Variants in ATP8A2 observed in about 807,000 individuals in gnomAD.
The protein encoded by ATP8A2 is phospholipid-transporting ATPase IB.
ATP8A2 carries 100 observed loss-of-function variants against 165.6 expected under a neutral mutation model. The observed-to-expected ratio is 0.60, with a 90% CI of 0.51 to 0.71. ATP8A2 has a LOEUF of 0.71. Among genes scored for constraint, ATP8A2 ranks in the 30% least tolerant of loss-of-function variants. The pLI is 0.00. For synonymous variants in ATP8A2, 543 were observed against 548.8 expected, an observed-to-expected ratio of 0.99 and a Z score of 0.15; for missense variants, 1,227 against 1,479.5, an observed-to-expected ratio of 0.83 and a Z score of 2.80.
chr13:25,628,048 G>A (rs996781770), intron 24 of ATP8A2, among the ~76,000 whole-genome samples: 2 of 152,062 alleles, frequency 1.3e-5, no homozygotes, highest in Admixed American at 6.6e-5. Context: ...TGGTGAACTG[G>A]GACTCCAGAT....
rs147767745 is a variant in ATP8A2 at position 25,433,397 on chromosome 13, C to T, written c.77-35580C>T. On this transcript the variant is annotated intron_variant, in intron 1 of 36. Coordinates refer to ENST00000381655, the MANE Select transcript of ATP8A2 (RefSeq NM_016529.6). ...AACTGATCTTCTCACCTCAGCTTCC[C>T]AAGTAGCTGGGACTACAGGCGTGTG... Among the ~76,000 whole-genome samples the T allele has an allele frequency of 8.5e-3, 1,296 of 152,212 alleles. 21 individuals carry two copies. The highest frequency in any genetic ancestry group is 0.029 in the African/African-American group (1,200 of 41,524).
chr13:25,837,881 G>A (rs1159738364), intron 29 of ATP8A2, among the ~76,000 whole-genome samples: 3 of 152,140 alleles, frequency 2.0e-5, no homozygotes, highest in Admixed American at 6.5e-5. Context: ...ACAAACCCGC[G>A]CCAAAGCTGG....
At chr13:25,897,796 C>T (rs931046465) in intron 33 of ATP8A2, among the ~76,000 whole-genome samples, 1 of 152,188 alleles carries the variant, frequency 6.6e-6, no homozygotes, top group Non-Finnish European at 1.5e-5. Context: ...CATCTTCCAT[C>T]GCTGATACCC....
At chr13:25,633,261 A>T (rs1178070657) in intron 24 of ATP8A2, among the ~76,000 whole-genome samples, 1 of 152,198 alleles carries the variant, frequency 6.6e-6, no homozygotes, top group Non-Finnish European at 1.5e-5. Context: ...GCATGTAAAG[A>T]AATTCCTTCC....
At chr13:25,768,975 C>G in intron 25 of ATP8A2, 71 bp from the exon 26 acceptor site, 2 of 1,402,674 alleles carry the variant, frequency 1.4e-6, no homozygotes, top group Non-Finnish European at 2.0e-6. Flanking sequence ...TTTAATGCAG[C>G]GGAATGTAGA....
intron 1 of ATP8A2, among the ~76,000 whole-genome samples, chr13:25,415,754 G>A (rs774537724): frequency 2.0e-5 from 3 of 152,146 alleles, no homozygotes; most frequent in Non-Finnish European, 4.4e-5. Context: ...CTGATCAAAT[G>A]TCACCTCTTC....
At chr13:25,783,990 G>A (rs1221679103) in intron 27 of ATP8A2, among the ~76,000 whole-genome samples, 1 of 152,104 alleles carries the variant, frequency 6.6e-6, no homozygotes, top group Non-Finnish European at 1.5e-5. Context: ...TAGGTATTAA[G>A]CCAGAGAAAT....
intron 27 of ATP8A2, among the ~76,000 whole-genome samples, chr13:25,780,862 C>T (rs894577159): frequency 1.3e-5 from 2 of 152,300 alleles, no homozygotes; most frequent in Non-Finnish European, 1.5e-5. Flanking sequence ...CGCTCACCTC[C>T]TGCTATGTGG....
chr13:25,712,568 G>A (rs1200675357), intron 25 of ATP8A2, among the ~76,000 whole-genome samples: 2 of 152,138 alleles, frequency 1.3e-5, no homozygotes, highest in African/African-American at 4.8e-5. Context: ...CTGATAGCAG[G>A]GTAATCCTGT....
chr13:25,568,537 C>T (rs7358928), intron 16 of ATP8A2, among the ~76,000 whole-genome samples: 102,272 of 151,948 alleles, frequency 0.67, 35,442 homozygotes, highest in Middle Eastern at 0.73. Context: ...CATCCTGTTT[C>T]TATGAGGTAC....
chr13:25,846,287 A>G (rs1157794132), intron 30 of ATP8A2, among the ~76,000 whole-genome samples: 1 of 152,354 alleles, frequency 6.6e-6, no homozygotes, highest in East Asian at 1.9e-4. Context: ...CATGGAACTG[A>G]CACCTAGAGA....
chr13:25,567,738 T>C (rs7331349), intron 16 of ATP8A2, among the ~76,000 whole-genome samples: 69,393 of 152,088 alleles, frequency 0.46, 16,445 homozygotes, highest in African/African-American at 0.51. Flanking sequence ...CTCTTCATCT[T>C]AGCTACTATG....
At chr13:25,430,308 G>T (rs1383250002) in intron 1 of ATP8A2, among the ~76,000 whole-genome samples, 1 of 152,066 alleles carries the variant, frequency 6.6e-6, no homozygotes, top group Non-Finnish European at 1.5e-5. Context: ...ACATGGGGGG[G>T]CCCGTGTGGA....
chr13:25,717,426 A>AAAAAAC (rs1337877720), intron 25 of ATP8A2, among the ~76,000 whole-genome samples: 8 of 151,508 alleles, frequency 5.3e-5, no homozygotes, highest in Admixed American at 1.3e-4. Flanking sequence ...ACTAAAAAAA[A>AAAAAAC]AAAAAAAAAA....
At chr13:25,439,659 C>A (rs1432250065) in intron 1 of ATP8A2, among the ~76,000 whole-genome samples, 1 of 152,114 alleles carries the variant, frequency 6.6e-6, no homozygotes, top group Non-Finnish European at 1.5e-5. Flanking sequence ...GCCTGTAATC[C>A]CAGTGCTCTG....
At chr13:25,692,774 C>G (rs2042753583) in intron 24 of ATP8A2, among the ~76,000 whole-genome samples, 1 of 152,168 alleles carries the variant, frequency 6.6e-6, no homozygotes. Flanking sequence ...ATGCAAAGGC[C>G]ATGCTGACCT....
At chr13:25,586,791 A>G (rs968467433) in intron 23 of ATP8A2, among the ~76,000 whole-genome samples, 1 of 152,214 alleles carries the variant, frequency 6.6e-6, no homozygotes, top group Non-Finnish European at 1.5e-5. Context: ...TGGATTTGAT[A>G]TCAAAACCAG....
chr13:25,975,523 G>C (rs9507615), intron 35 of ATP8A2, among the ~76,000 whole-genome samples: 2 of 151,566 alleles, frequency 1.3e-5, no homozygotes, highest in Non-Finnish European at 2.9e-5. Flanking sequence ...CGGAGCTTGC[G>C]GTGAGCCGAG....
At chr13:25,559,505 C>G (rs909382862) in intron 14 of ATP8A2, among the ~76,000 whole-genome samples, 4 of 152,180 alleles carry the variant, frequency 2.6e-5, no homozygotes, top group African/African-American at 4.8e-5. Context: ...GCACTCTAGC[C>G]TGGGTGACAG....
Sources: allele counts gnomAD v4.1 joint callset (sites outside exome capture counted in the v4.1 genomes callset), GRCh38; gene constraint gnomAD v4.1.1; transcripts MANE v1.5; gene names NCBI Gene and HGNC (gene_info 2026-07-23, HGNC 2026-07-21).